Variants in WLS observed in about 807,000 individuals in gnomAD.
WLS encodes protein wntless homolog.
Under a neutral mutation model 62.8 loss-of-function variants are expected in WLS, and 23 were observed. That is an observed-to-expected ratio of 0.37 (90% CI 0.26 to 0.52). The LOEUF (loss-of-function observed/expected upper bound fraction) is 0.52. Among genes scored for constraint, WLS ranks in the 20% least tolerant of loss-of-function variants. The pLI is 0.92. For missense variants in WLS, 615 were observed against 697.3 expected (o/e 0.88, Z 1.33); for synonymous variants, 246 against 244.1 (o/e 1.01, Z -0.07).
At chr1:68,214,122 G>C (rs1012419798) in intron 1 of WLS, among the ~76,000 whole-genome samples, 1 of 151,828 alleles carries the variant, frequency 6.6e-6, no homozygotes, top group African/African-American at 2.4e-5. Flanking sequence ...GCCTGGCCAA[G>C]TTCCAGGAAT....
chr1:68,121,622 C>T (rs1031305794), downstream of WLS, among the ~76,000 whole-genome samples: 6 of 152,116 alleles, frequency 3.9e-5, no homozygotes, highest in Non-Finnish European at 7.3e-5. Context: ...GTTCCCGGAG[C>T]ACTACAGGAT....
intron 1 of WLS, among the ~76,000 whole-genome samples, chr1:68,196,833 T>A (rs1648689447): frequency 6.6e-6 from 1 of 152,038 alleles, no homozygotes; most frequent in African/African-American, 2.4e-5. Context: ...AAATCAGACA[T>A]CTGACTTATT....
chr1:68,126,695 A>G (rs538682436), intron 11 of WLS, among the ~76,000 whole-genome samples: 1 of 152,158 alleles, frequency 6.6e-6, no homozygotes, highest in Non-Finnish European at 1.5e-5. Context: ...AGCCCTCTGA[A>G]GTAGGCAGTA....
intron 2 of WLS, among the ~76,000 whole-genome samples, chr1:68,193,455 C>T (rs1161191722): frequency 6.3e-5 from 7 of 111,338 alleles, no homozygotes; most frequent in Admixed American, 1.1e-4. Context: ...AAAAAAAAAC[C>T]TGGTTTGGTG....
chr1:68,115,390 G>A (rs1190474647), intron 11 of WLS, among the ~76,000 whole-genome samples: 5 of 152,208 alleles, frequency 3.3e-5, no homozygotes, highest in Admixed American at 2.6e-4. Context: ...CTAGGAATTC[G>A]CCATTCTTCA....
At chr1:68,216,865 A>C (rs1337895294) in intron 1 of WLS, among the ~76,000 whole-genome samples, 2 of 152,228 alleles carry the variant, frequency 1.3e-5, no homozygotes, top group African/African-American at 4.8e-5. Flanking sequence ...TCCTATTAGC[A>C]ATATTTTATA....
At chr1:68,174,768 G>C (rs1004515304) in intron 2 of WLS, among the ~76,000 whole-genome samples, 1 of 152,114 alleles carries the variant, frequency 6.6e-6, no homozygotes, top group African/African-American at 2.4e-5. Context: ...CACCTGCCCC[G>C]AATGCCATCT....
intron 3 of WLS, among the ~76,000 whole-genome samples, chr1:68,158,349 C>G (rs1296923907): frequency 6.6e-6 from 1 of 152,172 alleles, no homozygotes; most frequent in Non-Finnish European, 1.5e-5. Context: ...GCAATGGGTA[C>G]TTAGGTTTAC....
chr1:68,186,840 G>A (rs1037960564), intron 2 of WLS, among the ~76,000 whole-genome samples: 3 of 151,974 alleles, frequency 2.0e-5, no homozygotes, highest in African/African-American at 7.3e-5. Flanking sequence ...CTTGCTCAGT[G>A]TCCATAAGCA....
intron 1 of WLS, among the ~76,000 whole-genome samples, chr1:68,221,823 G>A (rs1427350915): frequency 2.0e-5 from 3 of 152,132 alleles, no homozygotes; most frequent in Non-Finnish European, 2.9e-5. Flanking sequence ...AGACAGAGGA[G>A]GAAGAATTTA....
At chr1:68,227,077 AG>A (rs1409864510) in intron 1 of WLS, among the ~76,000 whole-genome samples, 1 of 152,176 alleles carries the variant, frequency 6.6e-6, no homozygotes, top group Non-Finnish European at 1.5e-5. Flanking sequence ...AAGTCTAGAC[AG>A]GTTGTACTGA....
chr1:68,125,490 A>G lies in WLS; in HGVS notation c.*736T>C, dbSNP rs1046835. ...AAAATAAAACGCATTTTAAGCAAGA[A>G]GTTAAAAAAGCTTTTCAGACCCGAA... On this transcript the variant is annotated 3_prime_UTR_variant, in exon 12 of 12. Transcript: ENST00000262348. 665,236 of 984,990 alleles carry G rather than the reference A, an allele frequency of 0.68. 225,304 individuals carry two copies. The highest frequency in any genetic ancestry group is 0.73 in the Middle Eastern group (1,397 of 1,914). The allele number at this position is 984,990 out of a possible 1,614,324, so 61.0% of individuals were successfully genotyped here.
At chr1:68,182,374 C>T (rs1432113014) in intron 2 of WLS, among the ~76,000 whole-genome samples, 2 of 152,216 alleles carry the variant, frequency 1.3e-5, no homozygotes, top group Non-Finnish European at 2.9e-5. Context: ...ATAACATGCT[C>T]ACAACGGTCA....
At chr1:68,221,924 TG>T (rs1463771937) in intron 1 of WLS, among the ~76,000 whole-genome samples, 1 of 152,220 alleles carries the variant, frequency 6.6e-6, no homozygotes, top group Non-Finnish European at 1.5e-5. Context: ...ATTTTGGCAA[TG>T]TGAATTTTCT....
At chr1:68,125,112 G>A (rs973624479), downstream of WLS, among the ~76,000 whole-genome samples, 3 of 152,208 alleles carry the variant, frequency 2.0e-5, no homozygotes, top group Non-Finnish European at 4.4e-5. Context: ...GAATAGGGCA[G>A]AGGACGGCTC....
intron 9 of WLS, among the ~76,000 whole-genome samples, chr1:68,145,192 C>A (rs1019401603): frequency 3.3e-5 from 5 of 152,134 alleles, no homozygotes; most frequent in Non-Finnish European, 7.3e-5. Flanking sequence ...CTCTTCTGTG[C>A]AGATCTACTG....
Position 68,194,061 on chromosome 1 carries a change from C to G in WLS, c.273G>C (p.Val91=). 1.2e-6 allele frequency: 2 copies of G among 1,614,116 alleles called. No individual in the cohort carries two copies. The highest frequency in any genetic ancestry group is 2.2e-5 in the South Asian group (2 of 91,082). The stretch of plus-strand genomic sequence containing the variant: ...GGGGGAGGGGAATGTGAACAGAAAA[C>G]ACGATGTCATTGGCTTCAATTTCCC... ...IPREIEANDI[V]FSVHIPLPHM... The change falls in exon 2 of 12, where the codon GTG becomes GTC. Residue 91 remains valine (V), a synonymous_variant. Coordinates refer to ENST00000262348, the MANE Select transcript of WLS (RefSeq NM_024911.7).
intron 1 of WLS, among the ~76,000 whole-genome samples, chr1:68,201,253 TC>T (rs1649001178): frequency 6.6e-6 from 1 of 152,204 alleles, no homozygotes; most frequent in South Asian, 2.1e-4. Flanking sequence ...TAAAAAGATT[TC>T]TTAATATCTG....
intron 1 of WLS, chr1:68,202,939 A>C (rs180989343): frequency 6.6e-6 from 1 of 152,348 alleles, no homozygotes; most frequent in Non-Finnish European, 1.5e-5. Context: ...GCACACATTT[A>C]TATTGGAATT....
Sources: gnomAD v4.1 joint callset for allele counts (sites outside exome capture counted in the v4.1 genomes callset) on GRCh38, gnomAD v4.1.1 for gene constraint, MANE v1.5 for transcripts, NCBI Gene and HGNC (gene_info 2026-07-23, HGNC 2026-07-21) for gene names.